KCTD3: variants seen among roughly 807,000 people sequenced by gnomAD.
KCTD3 encodes BTB/POZ domain-containing protein KCTD3.
In KCTD3, 41 loss-of-function variants were observed where a neutral mutation model predicts 85.8. The observed-to-expected ratio is 0.48, with a 90% CI of 0.37 to 0.62. KCTD3 has a LOEUF of 0.62. Among genes scored for constraint, KCTD3 ranks in the 20% least tolerant of loss-of-function variants. The probability of loss-of-function intolerance (pLI) is 0.00; values close to 1 mark genes in which losing one functional copy is unlikely to be tolerated. For synonymous variants in KCTD3, 338 were observed against 345.4 expected (o/e 0.98, Z 0.24); for missense variants, 724 against 989.9 (o/e 0.73, Z 3.60).
At chr1:215,604,994 G>T (rs1654962608) in intron 13 of KCTD3, among the ~76,000 whole-genome samples, 1 of 152,098 alleles carries the variant, frequency 6.6e-6, no homozygotes, top group African/African-American at 2.4e-5. Flanking sequence ...AGTACTTTCT[G>T]ATTACAAAGT....
chr1:215,578,663 T>C (rs763781534), intron 6 of KCTD3, among the ~76,000 whole-genome samples: 6 of 152,158 alleles, frequency 3.9e-5, no homozygotes, highest in Non-Finnish European at 7.4e-5. Flanking sequence ...GTTAAATTAT[T>C]ACATAGTACC....
In KCTD3 at chr1:215,620,535, A is replaced by T. The variant is rs1410416671; in HGVS notation, c.2365A>T (p.Thr789Ser). Reference protein sequence around the residue: ...TSDGGTDSPGTASPSPTKTTP... With the variant: ...TSDGGTDSPGSASPSPTKTTP... ...CGATGGAGGAACTGACTCACCTGGT[A>T]CTGCGTCCCCATCTCCTACAAAGAC... The change falls in exon 18 of 18, where the codon ACT becomes TCT. Residue 789 changes from threonine (T) to serine (S), a missense_variant. Thr to Ser is a moderately conservative substitution (Grantham distance 58). Around this residue, in one of 6 missense-constraint regions of KCTD3, gnomAD observed 222 missense variants for 217.7 expected, o/e 1.02. Coordinates refer to ENST00000259154, the MANE Select transcript of KCTD3 (RefSeq NM_016121.5). 1.9e-6 allele frequency: 3 copies of T among 1,613,836 alleles called. No homozygotes were observed. The South Asian group carries it at 3.3e-5, about 18-fold the overall frequency.
At chr1:215,613,240 A>G (rs891230033) in intron 15 of KCTD3, among the ~76,000 whole-genome samples, 1 of 152,182 alleles carries the variant, frequency 6.6e-6, no homozygotes, top group African/African-American at 2.4e-5. Context: ...TTATTTATGA[A>G]TGAGACGGAG....
At chr1:215,610,328 A>AT (rs981302646) in intron 14 of KCTD3, among the ~76,000 whole-genome samples, 94 of 151,144 alleles carry the variant, frequency 6.2e-4, no homozygotes, top group Admixed American at 2.0e-3. Context: ...ATCAAAGGTC[A>AT]TTTTTTTTTA....
At chr1:215,609,703 A>G (rs1655158998) in intron 14 of KCTD3, among the ~76,000 whole-genome samples, 2 of 152,066 alleles carry the variant, frequency 1.3e-5, no homozygotes, top group African/African-American at 4.8e-5. Context: ...AAGTGACCCT[A>G]AGGATTCTTG....
At chr1:215,589,132 T>A (rs991822320) in intron 9 of KCTD3, among the ~76,000 whole-genome samples, 1 of 152,136 alleles carries the variant, frequency 6.6e-6, no homozygotes, top group Non-Finnish European at 1.5e-5. Context: ...TTCTTTTTCT[T>A]CTTTTCTTTC....
intron 10 of KCTD3, among the ~76,000 whole-genome samples, chr1:215,599,178 G>A (rs1654726856): frequency 6.6e-6 from 1 of 152,102 alleles, no homozygotes; most frequent in Admixed American, 6.5e-5. Flanking sequence ...AAACCTGAAT[G>A]AGAAGGGTTT....
Position 215,620,700 on chromosome 1 carries a change from AC to A in KCTD3, c.*83del. ...TGAATTTCAGTACATTAGTTTTTAC[AC>A]TAAAACTTTACAAGATAAAATTGGA... On this transcript the variant is annotated 3_prime_UTR_variant, in exon 18 of 18. Transcript: ENST00000259154. 1 of 945,442 alleles carries A rather than the reference AC, an allele frequency of 1.1e-6. No individual in the cohort carries two copies. The highest frequency in any genetic ancestry group is 2.9e-5 in the Admixed American group (1 of 34,704). The allele number at this position is 945,442 out of a possible 1,614,324, so 58.6% of individuals were successfully genotyped here. A position where few individuals can be genotyped will look rare whatever the true frequency, so the allele number is the denominator to read the frequency against.
intron 10 of KCTD3, among the ~76,000 whole-genome samples, chr1:215,600,652 C>T (rs760488202): frequency 6.6e-6 from 1 of 152,220 alleles, no homozygotes; most frequent in Non-Finnish European, 1.5e-5. Context: ...ATATGTGGTA[C>T]ATAAAAAGTA....
At chr1:215,609,543 A>C (rs1376320386) in intron 14 of KCTD3, among the ~76,000 whole-genome samples, 1 of 151,948 alleles carries the variant, frequency 6.6e-6, no homozygotes, top group East Asian at 1.9e-4. Context: ...TTTGTGATAT[A>C]TATAATTCAT....
intron 13 of KCTD3, among the ~76,000 whole-genome samples, chr1:215,607,658 A>G (rs1441599779): frequency 6.6e-6 from 1 of 152,024 alleles, no homozygotes; most frequent in Non-Finnish European, 1.5e-5. Context: ...AACAGTTTCT[A>G]TAGTTAGGAA....
intron 3 of KCTD3, among the ~76,000 whole-genome samples, chr1:215,575,400 A>G (rs1659534490): frequency 6.6e-6 from 1 of 152,198 alleles, no homozygotes; most frequent in South Asian, 2.1e-4. Context: ...GAGATTAGTA[A>G]AAGTATTATG....
chr1:215,600,814 C>G (rs1393447219), intron 10 of KCTD3, among the ~76,000 whole-genome samples: 1 of 152,106 alleles, frequency 6.6e-6, no homozygotes, highest in Non-Finnish European at 1.5e-5. Context: ...CTTAGTAATT[C>G]AAATGTCATC....
chr1:215,583,269 A>AT, intron 8 of KCTD3, among the ~76,000 whole-genome samples: 1 of 152,314 alleles, frequency 6.6e-6, no homozygotes, highest in Middle Eastern at 3.4e-3. Context: ...TGGATTATTC[A>AT]TGAGTGTTTC....
At chr1:215,579,390 C>T (rs1659715275) in intron 7 of KCTD3, among the ~76,000 whole-genome samples, 2 of 152,162 alleles carry the variant, frequency 1.3e-5, no homozygotes, top group Non-Finnish European at 2.9e-5. Context: ...ATATTTTAGG[C>T]TTTGTGGGCC....
chr1:215,616,869 A>T (rs557753054), intron 15 of KCTD3, among the ~76,000 whole-genome samples: 1 of 152,352 alleles, frequency 6.6e-6, no homozygotes, highest in African/African-American at 2.4e-5. Flanking sequence ...CTTCCAAATG[A>T]TAAGTGTCTT....
chr1:215,601,067 A>G (rs1434540764), intron 10 of KCTD3, among the ~76,000 whole-genome samples: 1 of 152,106 alleles, frequency 6.6e-6, no homozygotes, highest in Non-Finnish European at 1.5e-5. Context: ...CCTCCCGAGC[A>G]GCCGGGATTA....
At chr1:215,613,864 T>C (rs531979432) in intron 15 of KCTD3, among the ~76,000 whole-genome samples, 1 of 152,170 alleles carries the variant, frequency 6.6e-6, no homozygotes, top group Non-Finnish European at 1.5e-5. Context: ...TATGTGTTTG[T>C]TTTTGTACCG....
intron 8 of KCTD3, among the ~76,000 whole-genome samples, chr1:215,582,944 A>C (rs549558607): frequency 6.6e-6 from 1 of 152,318 alleles, no homozygotes; most frequent in Admixed American, 6.5e-5. Flanking sequence ...TTTAAAAAAC[A>C]GGTAAATTCA....
Sources: allele counts gnomAD v4.1 joint callset (sites outside exome capture counted in the v4.1 genomes callset), GRCh38; gene constraint gnomAD v4.1.1; regional missense constraint gnomAD v4.1.1; transcripts MANE v1.5; gene names NCBI Gene and HGNC (gene_info 2026-07-23, HGNC 2026-07-21).